Variants in DCDC2 observed in about 807,000 individuals in gnomAD.
DCDC2 encodes the protein doublecortin domain containing 2.
Under a neutral mutation model 50.2 loss-of-function variants are expected in DCDC2, and 40 were observed. The ratio of observed to expected loss-of-function variants is 0.80; its 90% CI spans 0.62 to 1.04. DCDC2 has a LOEUF of 1.04. DCDC2 is among the 50% of genes least tolerant of loss of function. The probability of loss-of-function intolerance (pLI) is 0.00; values close to 1 mark genes in which losing one functional copy is unlikely to be tolerated. For synonymous variants in DCDC2, 234 were observed against 210.6 expected, an observed-to-expected ratio of 1.11 and a Z score of -0.96; for missense variants, 570 against 581.9, an observed-to-expected ratio of 0.98 and a Z score of 0.21.
At chr6:24,345,290 A>G (rs546632139) in intron 2 of DCDC2, among the ~76,000 whole-genome samples, 1 of 152,338 alleles carries the variant, frequency 6.6e-6, no homozygotes, top group South Asian at 2.1e-4. Flanking sequence ...GCCTTTAAGT[A>G]GGAAATCCTA....
the DCDC2 span, among the ~76,000 whole-genome samples, chr6:24,376,199 T>C: frequency 6.6e-6 from 1 of 152,188 alleles, no homozygotes; most frequent in African/African-American, 2.4e-5. Flanking sequence ...AGAATGGATG[T>C]GGCTACAAGT....
At chr6:24,230,022 C>G (rs1435742741) in intron 7 of DCDC2, among the ~76,000 whole-genome samples, 3 of 152,068 alleles carry the variant, frequency 2.0e-5, no homozygotes, top group East Asian at 1.9e-4. Context: ...CTTCCAACCT[C>G]TAAGTCCCAA....
chr6:24,347,811 CT>C (rs998848247), intron 2 of DCDC2, among the ~76,000 whole-genome samples: 1 of 152,112 alleles, frequency 6.6e-6, no homozygotes, highest in Non-Finnish European at 1.5e-5. Context: ...AATTTTACCC[CT>C]GAAACAAAAT....
intron 8 of DCDC2, 79 bp from the exon 9 acceptor site, chr6:24,178,711 AC>A: frequency 2.3e-6 from 3 of 1,328,084 alleles, no homozygotes; most frequent in Non-Finnish European, 3.1e-6. Flanking sequence ...GTAATGTAAT[AC>A]TTATATTACA....
intron 9 of DCDC2, among the ~76,000 whole-genome samples, chr6:24,176,491 T>G (rs16888803): frequency 0.08 from 12,206 of 152,224 alleles, 1,076 homozygotes; most frequent in African/African-American, 0.22. Flanking sequence ...AAATATTCAT[T>G]TGTCATAATT....
intron 2 of DCDC2, among the ~76,000 whole-genome samples, chr6:24,306,684 C>T (rs1273277730): frequency 6.6e-6 from 1 of 152,158 alleles, no homozygotes; most frequent in African/African-American, 2.4e-5. Flanking sequence ...AATTTGGATA[C>T]AAATCACATG....
At chr6:24,274,605 C>CAAAAAAAAAAAAAAAAAAAAAAACAA (rs1763308811) in intron 7 of DCDC2, among the ~76,000 whole-genome samples, 1 of 82,404 alleles carries the variant, frequency 1.2e-5, no homozygotes, top group African/African-American at 4.6e-5. Flanking sequence ...GAAACAGAGT[C>CAAAAAAAAAAAAAAAAAAAAAAACAA]AAAAAAAAAA....
the DCDC2 span, among the ~76,000 whole-genome samples, chr6:24,374,783 G>A: frequency 3.2e-3 from 486 of 152,268 alleles, 3 homozygotes; most frequent in Middle Eastern, 0.01. Flanking sequence ...TGACTGAGAC[G>A]CAGCTCAGGG....
At chr6:24,296,415 T>C (rs763898652) in intron 4 of DCDC2, among the ~76,000 whole-genome samples, 1 of 152,046 alleles carries the variant, frequency 6.6e-6, no homozygotes, top group Non-Finnish European at 1.5e-5. Context: ...GCAAAGGAAC[T>C]GGTAAAGATT....
At chr6:24,358,151 T>C, upstream of DCDC2, 2 of 482,998 alleles carry the variant, frequency 4.1e-6, no homozygotes, top group African/African-American at 2.0e-5. Flanking sequence ...CACACACAAA[T>C]ATGGTGAAAC....
intron 6 of DCDC2, among the ~76,000 whole-genome samples, chr6:24,282,035 T>A (rs807720): frequency 0.98 from 149,991 of 152,292 alleles, 73,894 homozygotes; most frequent in Middle Eastern, 1. Context: ...TTATGGCTTT[T>A]TCTCAAAGTG....
intron 7 of DCDC2, among the ~76,000 whole-genome samples, chr6:24,232,002 T>C (rs561135575): frequency 3.5e-3 from 244 of 70,376 alleles, no homozygotes; most frequent in Admixed American, 6.3e-3. Flanking sequence ...TTCATATATA[T>C]ATACACACAC....
upstream of DCDC2, among the ~76,000 whole-genome samples, chr6:24,360,964 A>AAG (rs904654019): frequency 3.3e-5 from 5 of 151,964 alleles, no homozygotes; most frequent in Non-Finnish European, 5.9e-5. Context: ...TAGAAAACGA[A>AAG]AGAGAGAGAG....
intron 4 of DCDC2, among the ~76,000 whole-genome samples, chr6:24,300,304 T>G (rs1199381644): frequency 6.6e-6 from 1 of 151,636 alleles, no homozygotes; most frequent in Non-Finnish European, 1.5e-5. Context: ...ATCAATTGAG[T>G]CTGCACAATC....
intron 7 of DCDC2, among the ~76,000 whole-genome samples, chr6:24,256,794 T>C (rs1762906656): frequency 6.6e-6 from 1 of 152,142 alleles, no homozygotes; most frequent in Admixed American, 6.6e-5. Flanking sequence ...TAGACAGCAC[T>C]ACACCAAGAA....
At chr6:24,322,578 C>A (rs1759791848) in intron 2 of DCDC2, among the ~76,000 whole-genome samples, 1 of 151,440 alleles carries the variant, frequency 6.6e-6, no homozygotes, top group Non-Finnish European at 1.5e-5. Flanking sequence ...TTACAACCTG[C>A]TCTCTCTGAA....
At chr6:24,298,322 G>A (rs866345560) in intron 4 of DCDC2, among the ~76,000 whole-genome samples, 3 of 152,242 alleles carry the variant, frequency 2.0e-5, no homozygotes, top group African/African-American at 4.8e-5. Flanking sequence ...TCCATGGCCT[G>A]GGGGTTGGGG....
At chr6:24,294,958 C>T (rs1763830699) in intron 4 of DCDC2, among the ~76,000 whole-genome samples, 1 of 152,090 alleles carries the variant, frequency 6.6e-6, no homozygotes, top group Non-Finnish European at 1.5e-5. Flanking sequence ...TCCTCCTCAA[C>T]TTGTTCTATG....
chr6:24,325,353 T>C lies in DCDC2; in HGVS notation c.349-23309A>G, dbSNP rs1240173320. On this transcript the variant is annotated intron_variant, in intron 2 of 9. Transcript: ENST00000378454. The stretch of plus-strand genomic sequence containing the variant: ...ATGGAATGTAAGTTATTGTGCCATC[T>C]AGAGAAAATGTGAGAGGCTGGAAGC... Among the ~76,000 whole-genome samples, 2 of 149,772 alleles carry C rather than the reference T, an allele frequency of 1.3e-5. 1 individual carries two copies. The highest frequency in any genetic ancestry group is 3.0e-5 in the Non-Finnish European group (2 of 67,284).
Sources: gnomAD v4.1 joint callset for allele counts (sites outside exome capture counted in the v4.1 genomes callset) on GRCh38, gnomAD v4.1.1 for gene constraint, MANE v1.5 for transcripts, NCBI Gene and HGNC (gene_info 2026-07-23, HGNC 2026-07-21) for gene names.